Variants in SBF2 observed in about 807,000 individuals in gnomAD.
SBF2 encodes SET binding factor 2, also known as myotubularin-related protein 13.
A neutral mutation model predicts 225.2 loss-of-function variants in SBF2; 112 were observed. The ratio of observed to expected loss-of-function variants is 0.50; its 90% CI spans 0.43 to 0.58. The LOEUF is 0.58. Ranked by LOEUF, SBF2 falls within the 20% of genes least tolerant of loss-of-function variation. The pLI is 0.00. For missense variants in SBF2, 1,996 were observed against 2,206.2 expected (o/e 0.90, Z 1.91); for synonymous variants, 763 against 773.3 (o/e 0.99, Z 0.22).
At chr11:10,107,421 T>G (rs766151499) in intron 2 of SBF2, among the ~76,000 whole-genome samples, 1 of 152,190 alleles carries the variant, frequency 6.6e-6, no homozygotes, top group African/African-American at 2.4e-5. Context: ...GAATATTGTA[T>G]GACTCCATTT....
chr11:10,194,563 T>A (rs1591186341), intron 1 of SBF2, among the ~76,000 whole-genome samples: 1 of 152,016 alleles, frequency 6.6e-6, no homozygotes. Context: ...TAGGCTGGAG[T>A]GCAGTTGTAT....
chr11:9,920,423 G>A (rs988167850), intron 16 of SBF2, among the ~76,000 whole-genome samples: 24 of 152,048 alleles, frequency 1.6e-4, no homozygotes, highest in African/African-American at 5.8e-4. Context: ...ACCTGATCTA[G>A]ATATTCTAGG....
chr11:10,041,408 G>A (rs979347614), intron 3 of SBF2, among the ~76,000 whole-genome samples: 21 of 152,114 alleles, frequency 1.4e-4, no homozygotes. Flanking sequence ...GAAGCAACAG[G>A]CTATGTTAGT....
intron 2 of SBF2, among the ~76,000 whole-genome samples, chr11:10,186,570 C>A (rs1035433930): frequency 6.6e-6 from 1 of 152,132 alleles, no homozygotes; most frequent in Non-Finnish European, 1.5e-5. Context: ...TGTTCATCAA[C>A]CCAAAAGCTC....
intron 2 of SBF2, among the ~76,000 whole-genome samples, chr11:10,048,942 C>G (rs989440061): frequency 3.3e-5 from 5 of 152,158 alleles, no homozygotes; most frequent in African/African-American, 9.7e-5. Flanking sequence ...CACACTGTAA[C>G]TAACCTTTAA....
At chr11:10,002,736 G>A (rs757369845) in intron 6 of SBF2, 47 bp from the exon 7 acceptor site, 10 of 1,572,942 alleles carry the variant, frequency 6.4e-6, no homozygotes, top group Admixed American at 3.3e-5. Context: ...AATTTTATAT[G>A]TGTTGTCAAC....
intron 1 of SBF2, among the ~76,000 whole-genome samples, chr11:10,225,339 T>C (rs894841977): frequency 2.8e-4 from 43 of 151,618 alleles, no homozygotes; most frequent in African/African-American, 1.0e-3. Context: ...AAGTGGAACA[T>C]GAAATTATGC....
chr11:9,780,583 G>T, intron 39 of SBF2, 67 bp from the exon 40 acceptor site: 2 of 1,307,306 alleles, frequency 1.5e-6, no homozygotes, highest in Non-Finnish European at 2.2e-6. Flanking sequence ...TGGGTAAGTG[G>T]TAAATCAGTT....
chr11:9,850,964 T>G (rs1168915219), intron 21 of SBF2, among the ~76,000 whole-genome samples: 4 of 151,940 alleles, frequency 2.6e-5, no homozygotes, highest in Non-Finnish European at 4.4e-5. Flanking sequence ...AGTGAAACCC[T>G]GCCTCTACTA....
chr11:9,953,157 C>T (rs1865958016), intron 16 of SBF2, among the ~76,000 whole-genome samples: 1 of 152,172 alleles, frequency 6.6e-6, no homozygotes, highest in South Asian at 2.1e-4. Flanking sequence ...GAAACTGTGG[C>T]ATATTGGGTT....
At chr11:10,301,959 A>T (rs1360624240) in intron 1 of SBF2, among the ~76,000 whole-genome samples, 6 of 152,224 alleles carry the variant, frequency 3.9e-5, no homozygotes, top group Non-Finnish European at 7.3e-5. Context: ...GCACACAAAA[A>T]AAGTAGATCT....
chr11:10,143,240 C>T (rs1226274589), intron 2 of SBF2, among the ~76,000 whole-genome samples: 4 of 152,026 alleles, frequency 2.6e-5, no homozygotes, highest in South Asian at 2.1e-4. Context: ...GGCGCAATCT[C>T]GGCTCACCGT....
At chr11:10,001,668 G>A (rs1947964878) in intron 7 of SBF2, among the ~76,000 whole-genome samples, 1 of 152,052 alleles carries the variant, frequency 6.6e-6, no homozygotes, top group South Asian at 2.1e-4. Flanking sequence ...GGGACTACAG[G>A]CGCCTGCCAC....
chr11:10,278,022 G>A (rs186077149), intron 1 of SBF2, among the ~76,000 whole-genome samples: 122 of 152,260 alleles, frequency 8.0e-4, no homozygotes, highest in African/African-American at 2.8e-3. Context: ...ACATTTTAAA[G>A]TGAGAATTCT....
intron 2 of SBF2, among the ~76,000 whole-genome samples, chr11:10,146,583 T>C (rs1954896352): frequency 6.6e-6 from 1 of 152,028 alleles, no homozygotes. Context: ...CAAGATAGAA[T>C]AAAAACTTAA....
At chr11:10,032,790 T>A (rs1389251653) in intron 3 of SBF2, among the ~76,000 whole-genome samples, 3 of 152,370 alleles carry the variant, frequency 2.0e-5, no homozygotes, top group East Asian at 3.9e-4. Context: ...AAATAAGGGC[T>A]AGGCCCATAG....
chr11:10,153,432 G>C (rs527252416), intron 2 of SBF2, among the ~76,000 whole-genome samples: 2 of 151,882 alleles, frequency 1.3e-5, no homozygotes, highest in African/African-American at 2.4e-5. Context: ...AATAACTCAC[G>C]GGTCAAGAAT....
chr11:10,066,779 A>C (rs968802086), intron 2 of SBF2, among the ~76,000 whole-genome samples: 1 of 152,328 alleles, frequency 6.6e-6, no homozygotes, highest in African/African-American at 2.4e-5. Context: ...TGGGCAATCA[A>C]GCAAAAAAAA....
At chr11:10,023,172 T>C (rs185513481) in intron 6 of SBF2, among the ~76,000 whole-genome samples, 2 of 152,314 alleles carry the variant, frequency 1.3e-5, no homozygotes, top group African/African-American at 2.4e-5. Flanking sequence ...ATTTTCAAGA[T>C]AAATTGTTCT....
Sources: gnomAD v4.1 joint callset for allele counts (sites outside exome capture counted in the v4.1 genomes callset) on GRCh38, gnomAD v4.1.1 for gene constraint, MANE v1.5 for transcripts, NCBI Gene and HGNC (gene_info 2026-07-23, HGNC 2026-07-21) for gene names.